The following ZNF346 variants were observed in gnomAD, a reference collection of about 807,000 sequenced individuals.
The protein encoded by ZNF346 is zinc finger protein 346.
A neutral mutation model predicts 33.7 loss-of-function variants in ZNF346; 23 were observed. That is an observed-to-expected ratio of 0.68 (90% CI 0.49 to 0.97). The LOEUF (loss-of-function observed/expected upper bound fraction) is 0.97. Ranked by LOEUF, ZNF346 falls within the 50% of genes least tolerant of loss-of-function variation. The pLI is 0.00. For synonymous variants in ZNF346, 134 were observed against 142.4 expected, an observed-to-expected ratio of 0.94 and a Z score of 0.42; for missense variants, 340 against 371.1, an observed-to-expected ratio of 0.92 and a Z score of 0.69.
At chr5:177,033,468 C>T (rs542641953) in intron 1 of ZNF346, among the ~76,000 whole-genome samples, 1 of 152,308 alleles carries the variant, frequency 6.6e-6, no homozygotes, top group South Asian at 2.1e-4. Flanking sequence ...GTTTCATCTT[C>T]CTAAGGATCA....
chr5:177,049,355 CCCATCAGTCCTCCACCACTGGTGGGGG>C (rs1780549859), intron 4 of ZNF346, among the ~76,000 whole-genome samples: 1 of 152,138 alleles, frequency 6.6e-6, no homozygotes, highest in South Asian at 2.1e-4. Flanking sequence ...CCTGCTGAGC[CCCATCAGTCCTCCACCACTGGTGGGGG>C]CTTCTGGGCC....
intron 1 of ZNF346, among the ~76,000 whole-genome samples, chr5:177,029,164 T>G (rs1371391603): frequency 2.0e-5 from 3 of 152,246 alleles, no homozygotes; most frequent in East Asian, 3.9e-4. Context: ...CCCCCCATCT[T>G]GAGAGGGTAG....
intron 3 of ZNF346, among the ~76,000 whole-genome samples, chr5:177,043,944 AGTGGT>A (rs1779705636): frequency 6.6e-6 from 1 of 152,142 alleles, no homozygotes; most frequent in Non-Finnish European, 1.5e-5. Context: ...TAGGGTGGCA[AGTGGT>A]ATGACAGAGG....
chr5:177,039,383 A>G (rs754629834), intron 1 of ZNF346, among the ~76,000 whole-genome samples: 21 of 152,178 alleles, frequency 1.4e-4, no homozygotes, highest in Non-Finnish European at 2.8e-4. Flanking sequence ...GACATAGGTA[A>G]GCTTTAGATT....
intron 5 of ZNF346, among the ~76,000 whole-genome samples, chr5:177,061,716 C>T (rs547004020): frequency 1.8e-4 from 27 of 152,270 alleles, no homozygotes; most frequent in African/African-American, 5.8e-4. Context: ...CAGTGAAGGA[C>T]GTCCTTAATG....
intron 5 of ZNF346, among the ~76,000 whole-genome samples, chr5:177,054,542 G>A (rs1298824690): frequency 6.6e-6 from 1 of 151,522 alleles, no homozygotes; most frequent in Admixed American, 6.6e-5. Context: ...GGGATTACAG[G>A]TGCCCACCAC....
At chr5:177,030,091 GT>G (rs1429023584) in intron 1 of ZNF346, among the ~76,000 whole-genome samples, 3 of 151,914 alleles carry the variant, frequency 2.0e-5, no homozygotes, top group East Asian at 1.9e-4. Context: ...GATAAACTGA[GT>G]TTTTTTTCTC....
downstream of ZNF346, among the ~76,000 whole-genome samples, chr5:177,070,771 C>T (rs558686915): frequency 6.6e-6 from 1 of 152,022 alleles, no homozygotes; most frequent in Non-Finnish European, 1.5e-5. Flanking sequence ...TTCAGTAATC[C>T]GGTCTGACTG....
At chr5:177,035,070 G>A (rs1474484911) in intron 1 of ZNF346, among the ~76,000 whole-genome samples, 2 of 150,890 alleles carry the variant, frequency 1.3e-5, no homozygotes, top group African/African-American at 2.5e-5. Context: ...AGGCTCAAGT[G>A]TAGTGGCACG....
In ZNF346 at chr5:177,066,742, T is replaced by TA. The variant is rs869038323; in HGVS notation, c.*2158dup. ...CAGGGCAACATAACAAGACTCTATC[T>TA]AAAAAAAAAAAAAAATTATAAAAAT... On this transcript the variant is annotated 3_prime_UTR_variant, in exon 7 of 7. Transcript: ENST00000358149. Among the ~76,000 whole-genome samples the TA allele has an allele frequency of 0.014, 1,827 of 132,824 alleles. 26 individuals carry two copies. Among genetic ancestry groups the TA allele is most frequent in the African/African-American group, 0.036 (1,318 of 36,188 alleles). The allele number at this position is 132,824 out of a possible 152,430, so 87.1% of individuals were successfully genotyped here.
Position 177,065,627 on chromosome 5 carries a change from C to T in ZNF346, c.*1028C>T, listed in dbSNP as rs1056013769. The T allele has an allele frequency of 1.3e-5, 2 of 152,526 alleles. No individual in the cohort carries two copies. The highest frequency in any genetic ancestry group is 4.8e-5 in the African/African-American group (2 of 41,408). The allele number at this position is 152,526 out of a possible 1,614,324, so 9.4% of individuals were successfully genotyped here. A position where few individuals can be genotyped will look rare whatever the true frequency, so the allele number is the denominator to read the frequency against. ...TTTCTACAGTGAGGAACAGGCGTTT[C>T]CCAGGCCCCACACCCAGATTTCTCT... On this transcript the variant is annotated 3_prime_UTR_variant, in exon 7 of 7. Coordinates refer to ENST00000358149, the MANE Select transcript of ZNF346 (RefSeq NM_012279.4).
chr5:177,036,550 C>A (rs35786746), intron 1 of ZNF346, among the ~76,000 whole-genome samples: 2 of 151,924 alleles, frequency 1.3e-5, no homozygotes, highest in African/African-American at 4.8e-5. Context: ...TGTGTGTGTA[C>A]GCAGCCTCAG....
chr5:177,057,624 A>G (rs888689894), intron 5 of ZNF346, among the ~76,000 whole-genome samples: 4 of 151,568 alleles, frequency 2.6e-5, no homozygotes, highest in Non-Finnish European at 5.9e-5. Flanking sequence ...TGTAATCCCA[A>G]CTACTCAGGA....
intron 1 of ZNF346, among the ~76,000 whole-genome samples, chr5:177,031,998 C>CTTTTTTTTTTTTTTTTTT (rs34021834): frequency 7.4e-5 from 5 of 67,838 alleles, no homozygotes; most frequent in Non-Finnish European, 1.2e-4. Flanking sequence ...TTTCTTTTTT[C>CTTTTTTTTTTTTTTTTTT]TTTTTTTTTT....
rs1283719452 is a variant in ZNF346, at chr5:177,050,746, C to G, written c.518-5C>G. On this transcript the variant is annotated splice_region_variant and splice_polypyrimidine_tract_variant and intron_variant, in intron 4 of 6. Coordinates refer to ENST00000358149, the MANE Select transcript of ZNF346 (RefSeq NM_012279.4). ...CAAATCCTTTCCTTGTGGCCTCCACCTTAGCCTTGCACCAGAATAGAGAGA... is the reference window on the plus strand; with the variant it reads ...CAAATCCTTTCCTTGTGGCCTCCACGTTAGCCTTGCACCAGAATAGAGAGA... The G allele has an allele frequency of 1.2e-6, 2 of 1,614,048 alleles. No homozygotes were observed. The highest frequency in any genetic ancestry group is 2.7e-5 in the African/African-American group (2 of 74,930).
At chr5:177,063,622 GTGT>G (rs139848698) in intron 6 of ZNF346, among the ~76,000 whole-genome samples, 319 of 152,346 alleles carry the variant, frequency 2.1e-3, no homozygotes, top group African/African-American at 7.5e-3. Flanking sequence ...GAAATTGCCA[GTGT>G]TGTTCGCTGC....
intron 4 of ZNF346, 119 bp from the exon 5 acceptor site, chr5:177,050,632 A>G: frequency 9.3e-7 from 1 of 1,080,040 alleles, no homozygotes; most frequent in South Asian, 1.3e-5. Context: ...AGCCCTTTCT[A>G]TTCAGCATAC....
chr5:177,053,177 G>A (rs1444862673), intron 5 of ZNF346, among the ~76,000 whole-genome samples: 1 of 152,002 alleles, frequency 6.6e-6, no homozygotes. Context: ...TTAGCTGGAC[G>A]TGGTGACACA....
In ZNF346 at chr5:177,064,544, A is replaced by G. The variant is rs1387917630; in HGVS notation, c.830A>G (p.Gln277Arg). The change falls in exon 7 of 7, where the codon CAG becomes CGG. Residue 277 changes from glutamine (Q) to arginine (R), a missense_variant. Physicochemically the swap from Gln to Arg is conservative, Grantham distance 43 (BLOSUM62 1). Coordinates refer to ENST00000358149, the MANE Select transcript of ZNF346 (RefSeq NM_012279.4). ...SPKTVASSLGQIPMQRQPIQK... is the reference protein window; with the variant it reads ...SPKTVASSLGRIPMQRQPIQK... Reference sequence around the variant, plus strand: ...AAAACAGTGGCATCATCCCTGGGCCAGATTCCAATGCAAAGGCAACCCATT... The same window carrying G: ...AAAACAGTGGCATCATCCCTGGGCCGGATTCCAATGCAAAGGCAACCCATT... 1.9e-6 allele frequency: 3 copies of G among 1,614,262 alleles called. No individual in the cohort carries two copies. Among genetic ancestry groups the G allele is most frequent in the Non-Finnish European group, 2.5e-6 (3 of 1,180,030 alleles).
Sources: gnomAD v4.1 joint callset for allele counts (sites outside exome capture counted in the v4.1 genomes callset) on GRCh38, gnomAD v4.1.1 for gene constraint, MANE v1.5 for transcripts, NCBI Gene and HGNC (gene_info 2026-07-23, HGNC 2026-07-21) for gene names.